WDR89: variants seen among roughly 807,000 people sequenced by gnomAD.
WDR89 encodes WD repeat-containing protein 89.
A neutral mutation model predicts 29.1 loss-of-function variants in WDR89; 17 were observed. The ratio of observed to expected loss-of-function variants is 0.58; its 90% CI spans 0.40 to 0.88. The LOEUF (loss-of-function observed/expected upper bound fraction) is 0.88. WDR89 is among the 40% of genes least tolerant of loss of function. The pLI, the probability that WDR89 is intolerant of heterozygous loss-of-function variation, is 0.00. For missense variants in WDR89, 396 were observed against 456.3 expected (o/e 0.87, Z 1.20); for synonymous variants, 138 against 157.8 (o/e 0.87, Z 0.94).
At chr14:63,631,141 C>T (rs187581698) in intron 1 of WDR89, among the ~76,000 whole-genome samples, 3 of 152,152 alleles carry the variant, frequency 2.0e-5, no homozygotes, top group African/African-American at 4.8e-5. Flanking sequence ...TGTGAGATGA[C>T]GGAGACACTA....
At chr14:63,612,885 G>A (rs1449795705) in intron 2 of WDR89, among the ~76,000 whole-genome samples, 1 of 152,144 alleles carries the variant, frequency 6.6e-6, no homozygotes, top group African/African-American at 2.4e-5. Context: ...GAAGCAGCCC[G>A]TAAGAGTGGA....
At chr14:63,627,316 A>T (rs1259190127) in intron 1 of WDR89, among the ~76,000 whole-genome samples, 21 of 152,164 alleles carry the variant, frequency 1.4e-4, no homozygotes, top group Non-Finnish European at 1.5e-5. Flanking sequence ...GTAAGGAAGG[A>T]TATTTATTAA....
chr14:63,610,219 T>TAAAAA (rs56984803), intron 2 of WDR89, among the ~76,000 whole-genome samples: 2,148 of 65,242 alleles, frequency 0.033, 53 homozygotes, highest in African/African-American at 0.08. Context: ...GACTCTGTCT[T>TAAAAA]AAAAAAAAAA....
intron 2 of WDR89, among the ~76,000 whole-genome samples, chr14:63,614,673 TTC>T (rs756031939): frequency 6.6e-6 from 1 of 152,206 alleles, no homozygotes; most frequent in Non-Finnish European, 1.5e-5. Context: ...GGAGAATCGT[TTC>T]CAGAAAACAT....
In WDR89 at chr14:63,599,521, G is replaced by A. The variant is rs568191399; in HGVS notation, c.422C>T (p.Ala141Val). 5.5e-5 allele frequency: 88 copies of A among 1,614,096 alleles called. 3 individuals carry two copies. In the South Asian group the frequency reaches 9.2e-4, roughly 17 times the overall value. The part of the protein sequence containing the change: ...CAGTEKVDDD[A>V]LLVFWDARMN... ...CCTTGCATCCCAAAACACCAACAAT[G>A]CATCATCATCAACTTTTTCTGTACC... Residue 141 changes from alanine (A) to valine (V), a missense_variant, in exon 3 of 3, where the codon GCA becomes GTA. Transcript: ENST00000620954.
chr14:63,601,599 AT>A (rs1895066816), intron 2 of WDR89: 1 of 1,612,926 alleles, frequency 6.2e-7, no homozygotes, highest in Non-Finnish European at 8.5e-7. Context: ...AGGAGGCATT[AT>A]GCTTCCAGAA....
chr14:63,624,512 A>T (rs1029811547), intron 2 of WDR89, among the ~76,000 whole-genome samples: 6 of 99,832 alleles, frequency 6.0e-5, no homozygotes, highest in African/African-American at 3.2e-4. Flanking sequence ...AGAAATATTT[A>T]AAAAAAAAAA....
intron 2 of WDR89, among the ~76,000 whole-genome samples, chr14:63,606,146 CTATTTTGACCAAGCTGGTCTCAA>C (rs1250490642): frequency 6.6e-6 from 1 of 152,132 alleles, no homozygotes; most frequent in Non-Finnish European, 1.5e-5. Flanking sequence ...CAGGGTCTCA[CTATTTTGACCAAGCTGGTCTCAA>C]ACTTCTGGGC....
chr14:63,605,151 T>C (rs1378236801), intron 2 of WDR89, among the ~76,000 whole-genome samples: 2 of 139,042 alleles, frequency 1.4e-5, no homozygotes, highest in Non-Finnish European at 3.0e-5. Context: ...ACGTGCTGTC[T>C]GTCTCTCTCT....
chr14:63,640,424 T>G (rs1388856774), intron 1 of WDR89, among the ~76,000 whole-genome samples: 1 of 152,142 alleles, frequency 6.6e-6, no homozygotes, highest in Admixed American at 6.6e-5. Flanking sequence ...TGCGATGTCT[T>G]TCCTCTAGAT....
rs1894940788 is a variant in WDR89 at position 63,599,418 on chromosome 14, T to C, written c.525A>G (p.Gln175=). The C allele has an allele frequency of 5.0e-6, 8 of 1,614,074 alleles. No individual in the cohort carries two copies. Among genetic ancestry groups the C allele is most frequent in the Non-Finnish European group, 5.9e-6 (7 of 1,180,042 alleles). ...YSETHSDDVT[Q]VRFHPSNPNM... The stretch of plus-strand genomic sequence containing the variant: ...TGGGATTGCTGGGATGGAAACGTAC[T>C]TGAGTGACATCATCACTATGTGTCT... Residue 175 remains glutamine (Q), a synonymous_variant, in exon 3 of 3, where the codon CAA becomes CAG. Coordinates refer to ENST00000620954, the MANE Select transcript of WDR89 (RefSeq NM_080666.4).
rs998462356 is a variant in WDR89 at position 63,597,244 on chromosome 14, A to G, written c.*1535T>C. On this transcript the variant is annotated 3_prime_UTR_variant, in exon 3 of 3. Coordinates refer to ENST00000620954, the MANE Select transcript of WDR89 (RefSeq NM_080666.4). ...AGAACTCACCCACTATCAGGAGAACATCGTAGGGGAAACCACCCCCATGAT... is the reference window on the plus strand; with the variant it reads ...AGAACTCACCCACTATCAGGAGAACGTCGTAGGGGAAACCACCCCCATGAT... 1 of 152,188 alleles carries G rather than the reference A, an allele frequency of 6.6e-6. No individual in the cohort carries two copies. The highest frequency in any genetic ancestry group is 2.4e-5 in the African/African-American group (1 of 41,444). 9.4% of individuals were successfully genotyped at this position (152,188 alleles called of 1,614,324 possible). A position where few individuals can be genotyped will look rare whatever the true frequency, so the allele number is the denominator to read the frequency against.
At position 63,597,671 on chromosome 14, in the gene WDR89, A is replaced by G. The variant is rs1398265706; in HGVS notation, c.*1108T>C. ...ATCTTTCAAACTAATTTTTTTATTC[A>G]CTAGATAGCACTGTCTTATATTTTA... On this transcript the variant is annotated 3_prime_UTR_variant, in exon 3 of 3. Transcript: ENST00000620954. 1.3e-5 allele frequency: 2 copies of G among 152,138 alleles called. No homozygotes were observed. The highest frequency in any genetic ancestry group is 4.8e-5 in the African/African-American group (2 of 41,430). The allele number at this position is 152,138 out of a possible 1,614,324, so 9.4% of individuals were successfully genotyped here. A position where few individuals can be genotyped will look rare whatever the true frequency, so the allele number is the denominator to read the frequency against.
chr14:63,614,694 T>C (rs150500832), intron 2 of WDR89, among the ~76,000 whole-genome samples: 141 of 152,346 alleles, frequency 9.3e-4, no homozygotes, highest in Middle Eastern at 6.8e-3. Context: ...ATTTATAATT[T>C]AGAGAAATGT....
At chr14:63,634,296 TG>T (rs1451901204) in intron 1 of WDR89, among the ~76,000 whole-genome samples, 2 of 152,010 alleles carry the variant, frequency 1.3e-5, no homozygotes, top group South Asian at 2.1e-4. Flanking sequence ...CCAAGGCGGG[TG>T]GATCACCTGA....
chr14:63,630,506 G>T (rs1422825844), intron 1 of WDR89, among the ~76,000 whole-genome samples: 4 of 151,914 alleles, frequency 2.6e-5, no homozygotes, highest in Non-Finnish European at 5.9e-5. Flanking sequence ...TAGCCGGGAT[G>T]GTGGCCCACG....
intron 1 of WDR89, among the ~76,000 whole-genome samples, chr14:63,626,210 C>T (rs959157072): frequency 2.6e-5 from 4 of 151,870 alleles, no homozygotes; most frequent in Non-Finnish European, 5.9e-5. Context: ...TAAGGTAAAA[C>T]GTATTAAAAA....
Position 63,610,980 on chromosome 14 carries a change from A to G in WDR89, c.-31-11007T>C, listed in dbSNP as rs183024479. ...CTCCCAAAGTGCTGGGGTTATAGGC[A>G]TGAGCCACTGTGCCTGGCTAATTTG... On this transcript the variant is annotated intron_variant, in intron 2 of 2. Transcript: ENST00000620954. Among the ~76,000 whole-genome samples the G allele has an allele frequency of 3.4e-4, 51 of 152,036 alleles. No homozygotes were observed. The East Asian group carries it at 8.8e-3, about 26-fold the overall frequency.
intron 2 of WDR89, among the ~76,000 whole-genome samples, chr14:63,603,252 CTT>C (rs1371070830): frequency 3.3e-5 from 5 of 151,542 alleles, no homozygotes; most frequent in Non-Finnish European, 7.4e-5. Flanking sequence ...GCCACATTTG[CTT>C]TCTCTCTCTA....
Sources: allele counts gnomAD v4.1 joint callset (sites outside exome capture counted in the v4.1 genomes callset), GRCh38; gene constraint gnomAD v4.1.1; transcripts MANE v1.5; gene names NCBI Gene and HGNC (gene_info 2026-07-23, HGNC 2026-07-21).